EYS: variants seen among roughly 807,000 people sequenced by gnomAD.
EYS encodes EGF-like photoreceptor maintenance factor.
EYS carries 250 observed loss-of-function variants against 282.1 expected under a neutral mutation model. That is an observed-to-expected ratio of 0.89 (90% confidence interval 0.80 to 0.98). The LOEUF is 0.98. Ranked by LOEUF, EYS falls within the 50% of genes least tolerant of loss-of-function variation. EYS has a pLI of 0.00. For synonymous variants in EYS, 1,355 were observed against 1,282.9 expected, an observed-to-expected ratio of 1.06 and a Z score of -1.20; for missense variants, 4,016 against 3,709.0, an observed-to-expected ratio of 1.08 and a Z score of -2.15.
At chr6:64,154,440 CAAAAAAAAAAAA>C (rs397819570) in intron 31 of EYS, among the ~76,000 whole-genome samples, 2 of 59,482 alleles carry the variant, frequency 3.4e-5, no homozygotes, top group African/African-American at 1.0e-4. Context: ...AACTCCGTCT[CAAAAAAAAAAAA>C]AAAAAAAAAA....
intron 14 of EYS, among the ~76,000 whole-genome samples, chr6:64,991,040 T>TA (rs1425907295): frequency 6.6e-6 from 1 of 151,322 alleles, no homozygotes; most frequent in Non-Finnish European, 1.5e-5. Flanking sequence ...CATATTAAGA[T>TA]AATTATACAG....
At chr6:65,477,730 A>G (rs1484504688) in intron 5 of EYS, among the ~76,000 whole-genome samples, 1 of 152,186 alleles carries the variant, frequency 6.6e-6, no homozygotes, top group African/African-American at 2.4e-5. Flanking sequence ...AAAAATAAGC[A>G]GGTATCATAT....
At position 64,035,149 on chromosome 6, in the gene EYS, T is replaced by C. The variant is rs1377754746; in HGVS notation, c.6725+31189A>G. Reference sequence around the variant, plus strand: ...AGACTTATCTGGTCCTTAGTGTCAATAGTGTCCAGTGTGATAAACTCTTTA... The same window carrying C: ...AGACTTATCTGGTCCTTAGTGTCAACAGTGTCCAGTGTGATAAACTCTTTA... On this transcript the variant is annotated intron_variant, in intron 33 of 42. Coordinates refer to ENST00000503581, the MANE Select transcript of EYS (RefSeq NM_001142800.2). 2.6e-5 allele frequency among the ~76,000 whole-genome samples: 4 copies of C among 152,172 alleles called. No individual in the cohort carries two copies. The East Asian group carries it at 7.7e-4, about 29-fold the overall frequency.
intron 22 of EYS, among the ~76,000 whole-genome samples, chr6:64,669,691 T>A (rs1203993776): frequency 6.6e-6 from 1 of 152,182 alleles, no homozygotes; most frequent in African/African-American, 2.4e-5. Context: ...GCTATGTGTT[T>A]TTTATTTGTT....
At chr6:65,493,680 T>TA (rs1324702739) in intron 4 of EYS, among the ~76,000 whole-genome samples, 1 of 150,444 alleles carries the variant, frequency 6.6e-6, no homozygotes, top group Admixed American at 6.7e-5. Context: ...ATCATTTACA[T>TA]TTTTTTTTAG....
chr6:65,621,152 G>A (rs1216194730), intron 2 of EYS, among the ~76,000 whole-genome samples: 8 of 152,104 alleles, frequency 5.3e-5, no homozygotes, highest in Middle Eastern at 3.2e-3. Context: ...TGACAGTGGG[G>A]TGTTAAAGTC....
At chr6:64,969,988 A>T (rs1171164052) in intron 14 of EYS, among the ~76,000 whole-genome samples, 1 of 152,184 alleles carries the variant, frequency 6.6e-6, no homozygotes, top group East Asian at 1.9e-4. Context: ...AGCTATTTCT[A>T]TAATAAGAAT....
At position 65,206,593 on chromosome 6, in the gene EYS, C is replaced by T. The variant is rs774396042; in HGVS notation, c.2023+89270G>A. On this transcript the variant is annotated intron_variant, in intron 12 of 42. Transcript: ENST00000503581. ...TGACAACACCAAAAATAACTACAGA[C>T]CATTATCTCTGACGAACATGGATGT... is the stretch of plus-strand genomic sequence containing the variant. 1.3e-4 allele frequency among the ~76,000 whole-genome samples: 20 copies of T among 151,746 alleles called. 1 individual carries two copies. The highest frequency in any genetic ancestry group is 8.3e-4 in the South Asian group (4 of 4,814).
intron 41 of EYS, among the ~76,000 whole-genome samples, chr6:63,741,515 G>T (rs1769075268): frequency 6.6e-6 from 1 of 152,186 alleles, no homozygotes; most frequent in African/African-American, 2.4e-5. Context: ...TTGCTTCAGG[G>T]AGAGCACAGA....
chr6:64,480,059 C>T (rs1168270986), intron 26 of EYS, among the ~76,000 whole-genome samples: 1 of 151,836 alleles, frequency 6.6e-6, no homozygotes, highest in Non-Finnish European at 1.5e-5. Context: ...AAATCATGGG[C>T]AAGCTTTTTC....
At chr6:64,043,426 G>A (rs1770479545) in intron 33 of EYS, among the ~76,000 whole-genome samples, 1 of 152,234 alleles carries the variant, frequency 6.6e-6, no homozygotes, top group Non-Finnish European at 1.5e-5. Context: ...GTCACACGCA[G>A]GTCATGAGGA....
intron 35 of EYS, among the ~76,000 whole-genome samples, chr6:63,901,604 A>G (rs321492): frequency 1 from 151,937 of 152,348 alleles, 75,764 homozygotes; most frequent in Middle Eastern, 1. Flanking sequence ...AATCCAAAGA[A>G]AAAAACTTGA....
intron 35 of EYS, among the ~76,000 whole-genome samples, chr6:63,939,915 CT>C (rs1278569712): frequency 2.0e-5 from 3 of 152,176 alleles, no homozygotes; most frequent in Admixed American, 2.0e-4. Context: ...TAAATTATAA[CT>C]GCATTAAATT....
chr6:65,099,621 A>AGGAATTTCAGC (rs1774837342), intron 12 of EYS, among the ~76,000 whole-genome samples: 1 of 150,690 alleles, frequency 6.6e-6, no homozygotes, highest in South Asian at 2.1e-4. Flanking sequence ...TTCAGCTAAT[A>AGGAATTTCAGC]TAACTGATGG....
chr6:65,427,724 A>G (rs1767716147), intron 5 of EYS, among the ~76,000 whole-genome samples: 1 of 152,102 alleles, frequency 6.6e-6, no homozygotes, highest in Non-Finnish European at 1.5e-5. Flanking sequence ...TTCAGTATTA[A>G]CTCACCATCT....
chr6:64,295,941 A>G (rs1456827220), intron 30 of EYS, among the ~76,000 whole-genome samples: 1 of 152,154 alleles, frequency 6.6e-6, no homozygotes, highest in South Asian at 2.1e-4. Context: ...TTTTATAAAG[A>G]TATATGTTGA....
At chr6:65,443,544 C>T (rs776099685) in intron 5 of EYS, among the ~76,000 whole-genome samples, 3 of 151,294 alleles carry the variant, frequency 2.0e-5, no homozygotes, top group Non-Finnish European at 4.4e-5. Context: ...CTTATGGACA[C>T]ATGATACGCA....
chr6:64,053,500 T>A (rs932408914), intron 33 of EYS, among the ~76,000 whole-genome samples: 3 of 152,166 alleles, frequency 2.0e-5, no homozygotes, highest in Admixed American at 6.6e-5. Context: ...AGACTCTGGA[T>A]TCAAATTTCT....
chr6:65,471,872 G>A (rs1306266921), intron 5 of EYS, among the ~76,000 whole-genome samples: 1 of 151,774 alleles, frequency 6.6e-6, no homozygotes, highest in Non-Finnish European at 1.5e-5. Flanking sequence ...TATTTTTCAT[G>A]GCATTATCCT....
Sources: gnomAD v4.1 joint callset for allele counts (sites outside exome capture counted in the v4.1 genomes callset) on GRCh38, gnomAD v4.1.1 for gene constraint, MANE v1.5 for transcripts, NCBI Gene and HGNC (gene_info 2026-07-23, HGNC 2026-07-21) for gene names.